EPB41L4A: variants seen among roughly 807,000 people sequenced by gnomAD.
The protein encoded by EPB41L4A is band 4.1-like protein 4A.
A neutral mutation model predicts 108.6 loss-of-function variants in EPB41L4A; 100 were observed. The observed-to-expected ratio is 0.92, with a 90% CI of 0.78 to 1.09. The LOEUF (loss-of-function observed/expected upper bound fraction) is 1.09. Among genes scored for constraint, EPB41L4A ranks in the 50% least tolerant of loss-of-function variants. The probability of loss-of-function intolerance (pLI) is 0.00; values close to 1 mark genes in which losing one functional copy is unlikely to be tolerated. For missense variants in EPB41L4A, 1,030 were observed against 842.7 expected (o/e 1.22, Z -2.75); for synonymous variants, 319 against 289.0 (o/e 1.10, Z -1.05).
At chr5:112,201,191 G>A (rs565498628) in intron 15 of EPB41L4A, among the ~76,000 whole-genome samples, 305 of 152,308 alleles carry the variant, frequency 2.0e-3, no homozygotes, top group Non-Finnish European at 3.2e-3. Flanking sequence ...ATGCAGCAAT[G>A]GCTCATTGCC....
At chr5:112,153,566 CAT>C (rs145070214) in intron 12 of EPB41L4A, among the ~76,000 whole-genome samples, 1 of 144,974 alleles carries the variant, frequency 6.9e-6, no homozygotes, top group Non-Finnish European at 1.5e-5. Flanking sequence ...AAAAAATATA[CAT>C]ATATATATAG....
intron 1 of EPB41L4A, among the ~76,000 whole-genome samples, chr5:112,360,304 C>T (rs553249826): frequency 1.3e-5 from 2 of 152,170 alleles, no homozygotes; most frequent in Admixed American, 6.5e-5. Context: ...CCCCTTTGCA[C>T]GGTCTCCCTC....
chr5:112,210,465 A>G (rs1762682712), intron 12 of EPB41L4A, among the ~76,000 whole-genome samples: 1 of 152,190 alleles, frequency 6.6e-6, no homozygotes, highest in Admixed American at 6.5e-5. Flanking sequence ...AGAGTAATAT[A>G]CATGTGATCT....
chr5:112,386,768 A>T (rs1321908136), intron 1 of EPB41L4A, among the ~76,000 whole-genome samples: 1 of 152,212 alleles, frequency 6.6e-6, no homozygotes, highest in Non-Finnish European at 1.5e-5. Context: ...GTAAAGAAAG[A>T]TACTATATAC....
At position 112,262,702 on chromosome 5, in the gene EPB41L4A, T is replaced by A. The variant is rs147390933; in HGVS notation, c.555-121A>T. The stretch of plus-strand genomic sequence containing the variant: ...ATAATACTTTTTACTAATGCAAACT[T>A]AAGTCCTTGTATTTCAAGAAGGCCT... On this transcript the variant is annotated intron_variant, in intron 6 of 22. Coordinates refer to ENST00000261486, the MANE Select transcript of EPB41L4A (RefSeq NM_022140.5). 1.1e-3 allele frequency: 892 copies of A among 796,194 alleles called. 9 individuals are homozygous for A. The African/African-American group carries it at 0.014, about 13-fold the overall frequency. 49.3% of individuals were successfully genotyped at this position (796,194 alleles called of 1,614,324 possible).
intron 18 of EPB41L4A, among the ~76,000 whole-genome samples, chr5:112,178,562 G>C (rs1331036486): frequency 6.6e-6 from 1 of 151,162 alleles, no homozygotes; most frequent in African/African-American, 2.4e-5. Flanking sequence ...AAATTTCAAG[G>C]GATTAAAACT....
rs76000346 is a variant in EPB41L4A, at chr5:112,186,856, G to T, written c.1503-2721C>A. Among the ~76,000 whole-genome samples the T allele has an allele frequency of 1.7e-3, 256 of 152,286 alleles. 4 individuals are homozygous for T. In the East Asian group the frequency reaches 0.037, roughly 22 times the overall value. ...AAAGAAAAAAATCCTAGCCCTAGAA[G>T]CAAGAATATTGTAGCACTTTGTCCT... is the stretch of plus-strand genomic sequence containing the variant. On this transcript the variant is annotated intron_variant, in intron 17 of 22. Transcript: ENST00000261486.
At chr5:112,346,642 C>T (rs1359714156) in intron 1 of EPB41L4A, among the ~76,000 whole-genome samples, 1 of 152,182 alleles carries the variant, frequency 6.6e-6, no homozygotes, top group Non-Finnish European at 1.5e-5. Context: ...TCACCAAAAA[C>T]GTTAGCCCCA....
chr5:112,177,745 T>C (rs1389911008), intron 18 of EPB41L4A, among the ~76,000 whole-genome samples: 2 of 152,160 alleles, frequency 1.3e-5, no homozygotes, highest in Non-Finnish European at 2.9e-5. Context: ...ATATTCATCT[T>C]AGGGTGTGAT....
At chr5:112,305,738 T>C (rs757813335) in intron 2 of EPB41L4A, among the ~76,000 whole-genome samples, 1 of 152,130 alleles carries the variant, frequency 6.6e-6, no homozygotes, top group Non-Finnish European at 1.5e-5. Context: ...GAGTTTACCA[T>C]TAGAATATAA....
upstream of EPB41L4A, chr5:112,419,440 G>A (rs1762948083): frequency 2.8e-6 from 1 of 358,722 alleles, no homozygotes. Flanking sequence ...GGCTCTCCCC[G>A]GCCTTGGAAA....
chr5:112,270,507 A>G lies in EPB41L4A; in HGVS notation c.336-4177T>C, dbSNP rs1344990561. The stretch of plus-strand genomic sequence containing the variant: ...AATGGCACATATGACTCAGCAGAAA[A>G]ACAGTAGAGAAAATCATAACTCTTT... On this transcript the variant is annotated intron_variant, in intron 4 of 22. Transcript: ENST00000261486. Among the ~76,000 whole-genome samples the G allele has an allele frequency of 4.6e-5, 7 of 152,222 alleles. No homozygotes were observed. The East Asian group carries it at 1.3e-3, about 29-fold the overall frequency.
At chr5:112,259,809 T>A in intron 8 of EPB41L4A, 82 bp downstream of exon 8, 1 of 1,020,174 alleles carries the variant, frequency 9.8e-7, no homozygotes, top group Admixed American at 1.8e-5. Context: ...ACCTGTTTTC[T>A]TTTCCCCAAC....
In EPB41L4A at chr5:112,373,078, G is replaced by A. The variant is rs549661164; in HGVS notation, c.99+45863C>T. The stretch of plus-strand genomic sequence containing the variant: ...AAAATGTATTCAGATATAAACTCAG[G>A]GCCCAGGAATACAGATCCCCACACT... On this transcript the variant is annotated intron_variant, in intron 1 of 22. Transcript: ENST00000261486. Among the ~76,000 whole-genome samples, 6 of 152,146 alleles carry A rather than the reference G, an allele frequency of 3.9e-5. No individual in the cohort carries two copies. In the South Asian group the frequency reaches 1.0e-3, roughly 26 times the overall value.
intron 1 of EPB41L4A, among the ~76,000 whole-genome samples, chr5:112,371,670 C>T (rs1759505756): frequency 6.6e-6 from 1 of 152,102 alleles, no homozygotes; most frequent in Admixed American, 6.6e-5. Flanking sequence ...CTCCTGCTTG[C>T]TAAAAGATGA....
chr5:112,301,480 A>C (rs975545301), intron 2 of EPB41L4A, among the ~76,000 whole-genome samples: 16 of 152,166 alleles, frequency 1.1e-4, no homozygotes, highest in Non-Finnish European at 7.4e-5. Flanking sequence ...GGTTGTCTGC[A>C]CAGAGTCCTG....
intron 1 of EPB41L4A, among the ~76,000 whole-genome samples, chr5:112,414,989 C>T (rs1455549049): frequency 6.6e-6 from 1 of 152,130 alleles, no homozygotes; most frequent in Non-Finnish European, 1.5e-5. Flanking sequence ...TGACTCTGTA[C>T]CTTAAGTAGC....
chr5:112,233,526 G>A (rs549386230), intron 12 of EPB41L4A, among the ~76,000 whole-genome samples: 1 of 152,220 alleles, frequency 6.6e-6, no homozygotes, highest in South Asian at 2.1e-4. Flanking sequence ...GAACCAACTG[G>A]ATTCTGTACA....
At chr5:112,303,118 T>C (rs1302988250) in intron 2 of EPB41L4A, among the ~76,000 whole-genome samples, 1 of 152,186 alleles carries the variant, frequency 6.6e-6, no homozygotes, top group African/African-American at 2.4e-5. Context: ...CTTCCTTTCT[T>C]TGCAACAGGA....
Sources: allele counts gnomAD v4.1 joint callset (sites outside exome capture counted in the v4.1 genomes callset), GRCh38; gene constraint gnomAD v4.1.1; transcripts MANE v1.5; gene names NCBI Gene and HGNC (gene_info 2026-07-23, HGNC 2026-07-21).